CTNNA3: variants seen among roughly 807,000 people sequenced by gnomAD.
CTNNA3 encodes catenin alpha 3.
Under a neutral mutation model 95.7 loss-of-function variants are expected in CTNNA3, and 76 were observed. That is an observed-to-expected ratio of 0.79 (90% confidence interval 0.66 to 0.96). The LOEUF (loss-of-function observed/expected upper bound fraction) is 0.96. Ranked by LOEUF, CTNNA3 falls within the 40% of genes least tolerant of loss-of-function variation. CTNNA3 has a pLI of 0.00. For synonymous variants in CTNNA3, 431 were observed against 374.4 expected (o/e 1.15, Z -1.74); for missense variants, 1,191 against 1,089.8 (o/e 1.09, Z -1.31).
At chr10:66,877,184 G>A (rs552589119) in intron 7 of CTNNA3, among the ~76,000 whole-genome samples, 23 of 152,118 alleles carry the variant, frequency 1.5e-4, no homozygotes, top group African/African-American at 5.3e-4. Flanking sequence ...CCCCATCCTG[G>A]ACCTCAGTAT....
At chr10:66,471,083 G>T (rs955515961) in intron 11 of CTNNA3, among the ~76,000 whole-genome samples, 1 of 151,804 alleles carries the variant, frequency 6.6e-6, no homozygotes, top group South Asian at 2.1e-4. Context: ...AGGAAATGGC[G>T]TTGGAAATAT....
chr10:67,712,850 A>G (rs879991596), intron 1 of CTNNA3, among the ~76,000 whole-genome samples: 4 of 152,338 alleles, frequency 2.6e-5, no homozygotes, highest in African/African-American at 7.2e-5. Flanking sequence ...AACCTAGGCA[A>G]TACCATTCAG....
At chr10:67,521,721 CT>C (rs1839992991) in intron 5 of CTNNA3, 120 bp downstream of exon 5, 2 of 1,250,630 alleles carry the variant, frequency 1.6e-6, no homozygotes, top group African/African-American at 3.0e-5. Context: ...ACAGCACAAC[CT>C]GTATCTGCTC....
intron 7 of CTNNA3, among the ~76,000 whole-genome samples, chr10:66,812,884 G>A (rs1253257213): frequency 4.6e-5 from 7 of 152,048 alleles, no homozygotes; most frequent in African/African-American, 1.7e-4. Context: ...ACAAAATAAG[G>A]ATATCAATCA....
chr10:66,430,375 C>G (rs1009934642), intron 11 of CTNNA3, among the ~76,000 whole-genome samples: 1 of 152,188 alleles, frequency 6.6e-6, no homozygotes, highest in Non-Finnish European at 1.5e-5. Flanking sequence ...CTACCAATGA[C>G]TTTCTTCACA....
At chr10:66,728,779 G>A (rs912695645) in intron 9 of CTNNA3, among the ~76,000 whole-genome samples, 1 of 151,996 alleles carries the variant, frequency 6.6e-6, no homozygotes, top group African/African-American at 2.4e-5. Flanking sequence ...GTAGAGACAG[G>A]GTTTCACCAT....
intron 12 of CTNNA3, among the ~76,000 whole-genome samples, chr10:66,281,848 A>T: frequency 6.6e-6 from 1 of 151,714 alleles, no homozygotes; most frequent in South Asian, 2.1e-4. Flanking sequence ...GCCAAAATGT[A>T]TCACTTATAC....
intron 9 of CTNNA3, among the ~76,000 whole-genome samples, chr10:66,751,105 TA>T (rs1197799747): frequency 6.6e-6 from 1 of 152,038 alleles, no homozygotes; most frequent in Non-Finnish European, 1.5e-5. Context: ...CCGTCTCTGC[TA>T]AAAATACAAA....
intron 5 of CTNNA3, among the ~76,000 whole-genome samples, chr10:67,343,358 T>C (rs1477725349): frequency 6.6e-6 from 1 of 152,230 alleles, no homozygotes; most frequent in Non-Finnish European, 1.5e-5. Flanking sequence ...ATGGACATTT[T>C]AACAATATTG....
chr10:67,710,087 C>T (rs750133680), intron 1 of CTNNA3, among the ~76,000 whole-genome samples: 2 of 151,442 alleles, frequency 1.3e-5, no homozygotes, highest in African/African-American at 4.9e-5. Flanking sequence ...TTACAAGGGC[C>T]CCAAGACTAA....
At chr10:66,360,918 T>C (rs1275345971) in intron 12 of CTNNA3, among the ~76,000 whole-genome samples, 1 of 112,496 alleles carries the variant, frequency 8.9e-6, no homozygotes, top group Non-Finnish European at 2.0e-5. Flanking sequence ...TCTCTCTCTT[T>C]CTTCCTTTCT....
At chr10:67,000,454 T>C (rs550601402) in intron 7 of CTNNA3, among the ~76,000 whole-genome samples, 49 of 152,300 alleles carry the variant, frequency 3.2e-4, no homozygotes, top group African/African-American at 1.2e-3. Flanking sequence ...ACCTAGTTAG[T>C]TCTATGAGAG....
At chr10:66,248,451 G>A (rs974690995) in intron 13 of CTNNA3, among the ~76,000 whole-genome samples, 3 of 151,386 alleles carry the variant, frequency 2.0e-5, no homozygotes, top group Admixed American at 6.6e-5. Context: ...ACATGGAGTA[G>A]AAGAATAGAT....
intron 5 of CTNNA3, among the ~76,000 whole-genome samples, chr10:67,369,921 A>G (rs1843355966): frequency 6.6e-6 from 1 of 152,206 alleles, no homozygotes; most frequent in African/African-American, 2.4e-5. Flanking sequence ...ACAAATGCAT[A>G]TGCCCTTTAA....
At chr10:66,337,095 T>C (rs1240648100) in intron 12 of CTNNA3, among the ~76,000 whole-genome samples, 1 of 152,152 alleles carries the variant, frequency 6.6e-6, no homozygotes, top group Non-Finnish European at 1.5e-5. Flanking sequence ...TTTCTAAACA[T>C]ATATTTATTT....
At chr10:66,184,986 T>C (rs1438651722) in intron 13 of CTNNA3, among the ~76,000 whole-genome samples, 2 of 152,216 alleles carry the variant, frequency 1.3e-5, no homozygotes, top group Non-Finnish European at 2.9e-5. Flanking sequence ...TGGAAGAGTA[T>C]TTTTGTACGG....
At chr10:67,449,000 AC>A (rs1483819840) in intron 5 of CTNNA3, among the ~76,000 whole-genome samples, 1 of 151,840 alleles carries the variant, frequency 6.6e-6, no homozygotes, top group African/African-American at 2.4e-5. Flanking sequence ...AGGATACAAA[AC>A]CAATATACAA....
At chr10:66,366,746 A>G (rs2092713506) in intron 12 of CTNNA3, among the ~76,000 whole-genome samples, 1 of 152,116 alleles carries the variant, frequency 6.6e-6, no homozygotes, top group Admixed American at 6.6e-5. Flanking sequence ...CTAATTATAA[A>G]AGCTTACTGA....
chr10:67,348,483 T>G (rs1564585547), intron 5 of CTNNA3, among the ~76,000 whole-genome samples: 1 of 152,262 alleles, frequency 6.6e-6, no homozygotes, highest in African/African-American at 2.4e-5. Flanking sequence ...CCCACTGTTC[T>G]GCAGGCTGTA....
Sources: allele counts gnomAD v4.1 joint callset (sites outside exome capture counted in the v4.1 genomes callset), GRCh38; gene constraint gnomAD v4.1.1; transcripts MANE v1.5; gene names NCBI Gene and HGNC (gene_info 2026-07-23, HGNC 2026-07-21).